SLC1A6: variants seen among roughly 807,000 people sequenced by gnomAD.
SLC1A6 encodes the protein excitatory amino acid transporter 4.
A neutral mutation model predicts 42.1 loss-of-function variants in SLC1A6; 15 were observed. The observed-to-expected ratio is 0.36, with a 90% CI of 0.24 to 0.55. The LOEUF (loss-of-function observed/expected upper bound fraction) is 0.55, where lower values mean the gene tolerates loss of function less well. Ranked by LOEUF, SLC1A6 falls within the 20% of genes least tolerant of loss-of-function variation. The probability of loss-of-function intolerance (pLI) is 0.88; values close to 1 mark genes in which losing one functional copy is unlikely to be tolerated. For missense variants in SLC1A6, 542 were observed against 772.5 expected (o/e 0.70, Z 3.54); for synonymous variants, 317 against 319.7 (o/e 0.99, Z 0.09).
Position 14,950,270 on chromosome 19 carries a change from C to T in SLC1A6, c.1620G>A (p.Gly540=). 6.2e-7 allele frequency: 1 copy of T among 1,611,932 alleles called. No homozygotes were observed. Among genetic ancestry groups the T allele is most frequent in the Non-Finnish European group, 8.5e-7 (1 of 1,178,806 alleles). ...GTGCCATGAGGGACTTGTAGGGTTT[C>T]CCCAGGCTGGGGAGGGTAAGCTCAG... ...QEAELTLPSL[G]KPYKSLMAQE... is the part of the protein sequence containing the mutation. Residue 540 remains glycine (G), a synonymous_variant, in exon 10 of 10, where the codon GGG becomes GGA. Coordinates refer to ENST00000594383, the MANE Select transcript of SLC1A6 (RefSeq NM_005071.3).
At chr19:14,987,395 G>A (rs913969503) in intron 1 of SLC1A6, among the ~76,000 whole-genome samples, 3 of 151,864 alleles carry the variant, frequency 2.0e-5, no homozygotes, top group African/African-American at 7.3e-5. Context: ...TGAACCCCAG[G>A]AGGCAGAGGT....
intron 1 of SLC1A6, chr19:14,973,243 G>T: frequency 3.4e-6 from 1 of 292,228 alleles, no homozygotes; most frequent in Non-Finnish European, 6.3e-6. Context: ...GCAAGATAGT[G>T]AGACCTCCAC....
chr19:14,990,111 A>T (rs2045812238), intron 1 of SLC1A6, among the ~76,000 whole-genome samples: 1 of 108,004 alleles, frequency 9.3e-6, no homozygotes, highest in African/African-American at 3.1e-5. Flanking sequence ...TGTCTCAAAG[A>T]GATATCTGCA....
chr19:14,980,075 A>G (rs899688697), upstream of SLC1A6: 1 of 152,334 alleles, frequency 6.6e-6, no homozygotes, highest in Non-Finnish European at 1.5e-5. Flanking sequence ...CTAGTGTCCC[A>G]GTAACAACAG....
intron 7 of SLC1A6, among the ~76,000 whole-genome samples, chr19:14,954,742 A>G (rs896574683): frequency 2.6e-5 from 4 of 152,176 alleles, no homozygotes; most frequent in Non-Finnish European, 2.9e-5. Flanking sequence ...TCAGAGGCTG[A>G]TAACTGTACA....
At chr19:14,958,777 CA>C (rs2045484751) in intron 6 of SLC1A6, among the ~76,000 whole-genome samples, 1 of 152,152 alleles carries the variant, frequency 6.6e-6, no homozygotes, top group Non-Finnish European at 1.5e-5. Flanking sequence ...ACATTTCACC[CA>C]ATCATGCCAA....
At chr19:14,962,820 T>G (rs1454875785) in intron 5 of SLC1A6, among the ~76,000 whole-genome samples, 1 of 152,066 alleles carries the variant, frequency 6.6e-6, no homozygotes, top group Non-Finnish European at 1.5e-5. Flanking sequence ...GGAGAATCGC[T>G]TGAACCTGGG....
At chr19:14,999,034 C>T (rs866670753) in intron 1 of SLC1A6, among the ~76,000 whole-genome samples, 42 of 152,130 alleles carry the variant, frequency 2.8e-4, no homozygotes, top group African/African-American at 8.4e-4. Context: ...CCCGCCACCA[C>T]ACCTGGCTAA....
chr19:14,950,543 C>G (rs979228627), intron 9 of SLC1A6, among the ~76,000 whole-genome samples, 153 bp from the exon 10 acceptor site: 5 of 152,146 alleles, frequency 3.3e-5, no homozygotes, highest in Admixed American at 2.0e-4. Flanking sequence ...GGTTCTTCCC[C>G]CTCTCTGCCC....
chr19:14,981,133 A>T (rs891542376), upstream of SLC1A6, among the ~76,000 whole-genome samples: 5 of 101,210 alleles, frequency 4.9e-5, no homozygotes, highest in Non-Finnish European at 1.2e-4. Context: ...TCTCTATTTA[A>T]AAAAAAAAAA....
At chr19:14,963,842 T>C (rs899951021) in intron 5 of SLC1A6, among the ~76,000 whole-genome samples, 87 of 151,826 alleles carry the variant, frequency 5.7e-4, no homozygotes, top group African/African-American at 2.0e-3. Context: ...TTTTTTTTTT[T>C]TTTCTTTTTT....
chr19:14,993,113 G>A (rs755174334), intron 1 of SLC1A6, among the ~76,000 whole-genome samples: 15 of 152,106 alleles, frequency 9.9e-5, no homozygotes, highest in Non-Finnish European at 1.6e-4. Context: ...ATATGCAAGC[G>A]AATTGTCTAA....
At chr19:14,965,658 T>C (rs8113595) in intron 4 of SLC1A6, among the ~76,000 whole-genome samples, 59,437 of 151,776 alleles carry the variant, frequency 0.39, 12,103 homozygotes, top group East Asian at 0.61. Context: ...GAGACCAGCC[T>C]GGCCAACATG....
At chr19:15,005,509 C>T (rs926086118) in intron 1 of SLC1A6, among the ~76,000 whole-genome samples, 11 of 151,932 alleles carry the variant, frequency 7.2e-5, no homozygotes, top group Non-Finnish European at 1.2e-4. Flanking sequence ...AACTCCTTCT[C>T]ACAAAAACAA....
At chr19:14,983,035 A>G (rs2045775565), upstream of SLC1A6, among the ~76,000 whole-genome samples, 1 of 152,224 alleles carries the variant, frequency 6.6e-6, no homozygotes, top group Non-Finnish European at 1.5e-5. Context: ...GTTGATTTTC[A>G]TTATTCACGG....
intron 3 of SLC1A6, among the ~76,000 whole-genome samples, chr19:14,971,184 G>T (rs907275063): frequency 1.3e-5 from 2 of 152,122 alleles, no homozygotes; most frequent in African/African-American, 4.8e-5. Flanking sequence ...GGGGGTTGGT[G>T]CCCCTAACAC....
intron 1 of SLC1A6, among the ~76,000 whole-genome samples, chr19:15,001,442 A>G (rs2045872180): frequency 7.3e-6 from 1 of 137,070 alleles, no homozygotes; most frequent in Non-Finnish European, 1.7e-5. Flanking sequence ...GGGAAAAACA[A>G]ATGCAAAGAC....
intron 1 of SLC1A6, among the ~76,000 whole-genome samples, chr19:14,998,577 C>A (rs774150633): frequency 2.0e-5 from 3 of 151,900 alleles, no homozygotes; most frequent in Non-Finnish European, 4.4e-5. Flanking sequence ...ACAACAACAA[C>A]AAAAAAAGCA....
intron 9 of SLC1A6, 105 bp downstream of exon 9, chr19:14,952,823 C>A: frequency 7.2e-7 from 1 of 1,394,280 alleles, no homozygotes; most frequent in East Asian, 2.5e-5. Flanking sequence ...AATTCTGGAC[C>A]ACTGCATCTT....
Sources: gnomAD v4.1 joint callset for allele counts (sites outside exome capture counted in the v4.1 genomes callset) on GRCh38, gnomAD v4.1.1 for gene constraint, MANE v1.5 for transcripts, NCBI Gene and HGNC (gene_info 2026-07-23, HGNC 2026-07-21) for gene names.